LMX1B: variants seen among roughly 807,000 people sequenced by gnomAD.
LMX1B encodes LIM homeobox transcription factor 1 beta.
Under a neutral mutation model 51.4 loss-of-function variants are expected in LMX1B, and 12 were observed. The ratio of observed to expected loss-of-function variants is 0.23; its 90% confidence interval spans 0.15 to 0.38. The LOEUF is 0.38. Among genes scored for constraint, LMX1B ranks in the 10% least tolerant of loss-of-function variants. The pLI is 1.00. For synonymous variants in LMX1B, 237 were observed against 235.4 expected (o/e 1.01, Z -0.06); for missense variants, 445 against 571.1 (o/e 0.78, Z 2.25).
chr9:126,655,282 G>C (rs1214289190), intron 2 of LMX1B, among the ~76,000 whole-genome samples: 1 of 152,216 alleles, frequency 6.6e-6, no homozygotes, highest in Non-Finnish European at 1.5e-5. Context: ...CGATGTGGTG[G>C]CCCCCTTCGA....
intron 2 of LMX1B, among the ~76,000 whole-genome samples, chr9:126,659,940 G>A (rs1329258757): frequency 3.3e-5 from 5 of 151,950 alleles, no homozygotes; most frequent in Admixed American, 3.3e-4. Flanking sequence ...ACTAGCCTTA[G>A]AGATTGTCCT....
Position 126,653,096 on chromosome 9 carries a change from A to T in LMX1B, c.326+37527A>T, listed in dbSNP as rs1836051177. Among the ~76,000 whole-genome samples the T allele has an allele frequency of 6.2e-5, 9 of 145,672 alleles. No individual in the cohort carries two copies. In the South Asian group the frequency reaches 2.0e-3, roughly 32 times the overall value. Reference sequence around the variant, plus strand: ...CTTAAAACACATCCCCCCATCCCAAACCCAAACCCATTCCCCTCTGTGTTT... The same window carrying T: ...CTTAAAACACATCCCCCCATCCCAATCCCAAACCCATTCCCCTCTGTGTTT... On this transcript the variant is annotated intron_variant, in intron 2 of 7. Transcript: ENST00000373474.
intron 2 of LMX1B, among the ~76,000 whole-genome samples, chr9:126,680,938 G>A (rs1210145853): frequency 6.6e-6 from 1 of 152,116 alleles, no homozygotes; most frequent in Non-Finnish European, 1.5e-5. Flanking sequence ...ACGATGCAGG[G>A]AAGGATGGTC....
rs1835239468 is a variant in LMX1B, at chr9:126,613,964, C to A, written c.-486C>A. Among the ~76,000 whole-genome samples, 1 of 146,066 alleles carries A rather than the reference C, an allele frequency of 6.8e-6. No homozygotes were observed. Among genetic ancestry groups the A allele is most frequent in the African/African-American group, 2.5e-5 (1 of 40,730 alleles). On this transcript the variant is annotated 5_prime_UTR_variant, in exon 1 of 8. Transcript: ENST00000373474. This position sits in a 1 kb window ranked among gnomAD's most constrained non-coding sequence, Gnocchi z 4.5. ...TAAACCCGGCGGCTCAGCGGGCGCA[C>A]CATGGCACTGGAGTAGCGCGGGGAG...
chr9:126,619,887 C>T (rs1307338126), intron 2 of LMX1B, among the ~76,000 whole-genome samples: 3 of 152,122 alleles, frequency 2.0e-5, no homozygotes, highest in Non-Finnish European at 4.4e-5. Flanking sequence ...CTTTCCTGCC[C>T]TGTCCATTGG....
chr9:126,620,317 A>C (rs1042421809), intron 2 of LMX1B, among the ~76,000 whole-genome samples: 3 of 152,182 alleles, frequency 2.0e-5, no homozygotes, highest in Admixed American at 6.5e-5. Context: ...CCCAGCCCCA[A>C]GTCTTAGCAG....
chr9:126,653,364 C>T (rs1282856618), intron 2 of LMX1B, among the ~76,000 whole-genome samples: 1 of 152,004 alleles, frequency 6.6e-6, no homozygotes, highest in Non-Finnish European at 1.5e-5. Context: ...CCATGTTGCT[C>T]AACCTGGTCT....
rs535290420 is a variant in LMX1B, at chr9:126,650,917, G to A, written c.326+35348G>A. 2.0e-5 allele frequency among the ~76,000 whole-genome samples: 3 copies of A among 152,298 alleles called. No homozygotes were observed. The East Asian group carries it at 5.8e-4, about 29-fold the overall frequency. ...CAGCTTTTATGGCCCCTCCTCCCCG[G>A]GGCACACTTAGAGAACAGTATGTGT... is the stretch of plus-strand genomic sequence containing the variant. On this transcript the variant is annotated intron_variant, in intron 2 of 7. Coordinates refer to ENST00000373474, the MANE Select transcript of LMX1B (RefSeq NM_001174147.2).
intron 2 of LMX1B, among the ~76,000 whole-genome samples, chr9:126,628,015 A>G (rs1282023499): frequency 6.6e-6 from 1 of 152,184 alleles, no homozygotes; most frequent in African/African-American, 2.4e-5. Flanking sequence ...GACCTGGACA[A>G]TGAAATGATT....
In LMX1B at chr9:126,671,234, G is replaced by A. The variant is rs889840649; in HGVS notation, c.327-19602G>A. ...CTCTGAGCTGGGGGGAGGGGACCCC[G>A]CTCGGAAATCGGTCATAAATTTCTT... is the stretch of plus-strand genomic sequence containing the variant. On this transcript the variant is annotated intron_variant, in intron 2 of 7. Coordinates refer to ENST00000373474, the MANE Select transcript of LMX1B (RefSeq NM_001174147.2). This position sits in a 1 kb window ranked among gnomAD's most constrained non-coding sequence, Gnocchi z 4.4. 3.3e-5 allele frequency among the ~76,000 whole-genome samples: 5 copies of A among 152,198 alleles called. No homozygotes were observed. Among genetic ancestry groups the A allele is most frequent in the South Asian group, 2.1e-4 (1 of 4,832 alleles).
At chr9:126,681,300 G>A (rs1564165377) in intron 2 of LMX1B, among the ~76,000 whole-genome samples, 1 of 152,160 alleles carries the variant, frequency 6.6e-6, no homozygotes, top group Non-Finnish European at 1.5e-5. Context: ...CCACATGGCT[G>A]CCTAGAAGGC....
intron 2 of LMX1B, among the ~76,000 whole-genome samples, chr9:126,627,543 C>T (rs1193222478): frequency 2.6e-5 from 4 of 152,032 alleles, no homozygotes; most frequent in African/African-American, 4.8e-5. Flanking sequence ...GGGAGGGGCT[C>T]TTCCCCCACC....
In LMX1B at chr9:126,673,729, C is replaced by T. The variant is rs1174878795; in HGVS notation, c.327-17107C>T. On this transcript the variant is annotated intron_variant, in intron 2 of 7. Transcript: ENST00000373474. The surrounding 1 kb of genome is among the most constrained non-coding windows in gnomAD (Gnocchi z 4.4). Reference sequence around the variant, plus strand: ...CTCCTCCCTGACTCCTGGAGACTCCCAGCCCCTGTCTGGGAGATGAGCATT... The same window carrying T: ...CTCCTCCCTGACTCCTGGAGACTCCTAGCCCCTGTCTGGGAGATGAGCATT... 6.6e-6 allele frequency among the ~76,000 whole-genome samples: 1 copy of T among 152,134 alleles called. No homozygotes were observed. Among genetic ancestry groups the T allele is most frequent in the Non-Finnish European group, 1.5e-5 (1 of 68,022 alleles).
At chr9:126,622,162 T>C (rs981363762) in intron 2 of LMX1B, among the ~76,000 whole-genome samples, 1 of 152,098 alleles carries the variant, frequency 6.6e-6, no homozygotes, top group African/African-American at 2.4e-5. Flanking sequence ...AATTGGGAGC[T>C]TGGCTCGGAC....
chr9:126,617,457 C>T (rs868552511), intron 2 of LMX1B, among the ~76,000 whole-genome samples: 2 of 152,008 alleles, frequency 1.3e-5, no homozygotes, highest in Middle Eastern at 3.4e-3. Context: ...TCTGCCCTCC[C>T]CCCACTCCCC....
At position 126,614,409 on chromosome 9, in the gene LMX1B, A is replaced by AGCAGCCCGGCCGGCGGGGTCC; in HGVS notation, c.-35_-15dup. The AGCAGCCCGGCCGGCGGGGTCC allele has an allele frequency of 7.1e-7, 1 of 1,406,014 alleles. No individual in the cohort carries two copies. Among genetic ancestry groups the AGCAGCCCGGCCGGCGGGGTCC allele is most frequent in the Non-Finnish European group, 9.3e-7 (1 of 1,074,644 alleles). 87.1% of individuals were successfully genotyped at this position (1,406,014 alleles called of 1,614,324 possible). On this transcript the variant is annotated 5_prime_UTR_variant, in exon 1 of 8. Transcript: ENST00000373474. ...GAGCGGGTGGACGGGCCGGCGGGCG[A>AGCAGCCCGGCCGGCGGGGTCC]GCAGCCCGGCCGGCGGGGTCCGCAG...
chr9:126,635,824 A>G (rs16929179), intron 2 of LMX1B, among the ~76,000 whole-genome samples: 7,522 of 152,242 alleles, frequency 0.049, 640 homozygotes, highest in East Asian at 0.41. Flanking sequence ...CTTAGGTGCC[A>G]TGAGCTGTGG....
In LMX1B at chr9:126,615,313, C is replaced by T. The variant is rs1297989541; in HGVS notation, c.140-70C>T. On this transcript the variant is annotated intron_variant, in intron 1 of 7. Transcript: ENST00000373474. This position sits in a 1 kb window ranked among gnomAD's most constrained non-coding sequence, Gnocchi z 6.0. ...CCCTCGGGGCCGAGGGCTGTGGGCC[C>T]GGTGCGACCGGGACGCCGGGGCTGG... 3.1e-6 allele frequency: 4 copies of T among 1,284,632 alleles called. No homozygotes were observed. The highest frequency in any genetic ancestry group is 7.1e-5 in the Admixed American group (2 of 28,274). 79.6% of individuals were successfully genotyped at this position (1,284,632 alleles called of 1,614,324 possible).
chr9:126,637,577 T>C (rs1835735467), intron 2 of LMX1B, among the ~76,000 whole-genome samples: 1 of 152,060 alleles, frequency 6.6e-6, no homozygotes, highest in Non-Finnish European at 1.5e-5. Context: ...CATTGTGGGC[T>C]AATGTGTCAG....
Sources: allele counts gnomAD v4.1 joint callset (sites outside exome capture counted in the v4.1 genomes callset), GRCh38; gene constraint gnomAD v4.1.1; non-coding constraint Gnocchi (gnomAD v3.1); transcripts MANE v1.5; gene names NCBI Gene and HGNC (gene_info 2026-07-23, HGNC 2026-07-21).